Variants in ARHGAP42 observed in about 807,000 individuals in gnomAD.
ARHGAP42 encodes rho GTPase-activating protein 42.
Under a neutral mutation model 125.0 loss-of-function variants are expected in ARHGAP42, and 63 were observed. The ratio of observed to expected loss-of-function variants is 0.50; its 90% CI spans 0.41 to 0.62. The LOEUF is 0.62. Ranked by LOEUF, ARHGAP42 falls within the 20% of genes least tolerant of loss-of-function variation. The pLI is 0.00. For missense variants in ARHGAP42, 766 were observed against 1,024.2 expected (o/e 0.75, Z 3.44); for synonymous variants, 339 against 351.0 (o/e 0.97, Z 0.38).
intron 1 of ARHGAP42, among the ~76,000 whole-genome samples, chr11:100,725,779 CAA>C (rs1439664531): frequency 1.3e-5 from 2 of 151,380 alleles, no homozygotes; most frequent in African/African-American, 4.9e-5. Flanking sequence ...GTAAAAATAC[CAA>C]AAAATTAGCC....
rs1223353975 is a variant in ARHGAP42 at position 100,788,969 on chromosome 11, G to A, written c.251-6136G>A. On this transcript the variant is annotated intron_variant, in intron 2 of 23. Transcript: ENST00000298815. ...GGTCCTTAGATTATTGCATGCTTTT[G>A]TAGTATAATGCTGGGTATCACTTGG... 4.6e-5 allele frequency among the ~76,000 whole-genome samples: 7 copies of A among 152,030 alleles called. No homozygotes were observed. The South Asian group carries it at 6.2e-4, about 14-fold the overall frequency.
intron 3 of ARHGAP42, among the ~76,000 whole-genome samples, chr11:100,857,094 A>G (rs979318445): frequency 6.6e-6 from 1 of 152,044 alleles, no homozygotes; most frequent in African/African-American, 2.4e-5. Flanking sequence ...CATTAGAAAC[A>G]CTCAAGAAAT....
intron 4 of ARHGAP42, among the ~76,000 whole-genome samples, chr11:100,905,980 A>G (rs1393237909): frequency 6.6e-6 from 1 of 152,228 alleles, no homozygotes; most frequent in Non-Finnish European, 1.5e-5. Context: ...GTTTAAACAT[A>G]CCAGATAATA....
chr11:100,799,531 G>A lies in ARHGAP42; in HGVS notation c.312+4365G>A, dbSNP rs1472726896. ...CCACAGGGAGAATTGGGTAGTATGT[G>A]CACTTGTGTTCAACAAGAGCCTCTG... On this transcript the variant is annotated intron_variant, in intron 3 of 23. Transcript: ENST00000298815. Among the ~76,000 whole-genome samples, 5 of 152,144 alleles carry A rather than the reference G, an allele frequency of 3.3e-5. No individual in the cohort carries two copies. The East Asian group carries it at 9.6e-4, about 29-fold the overall frequency.
At chr11:100,946,971 G>A (rs916952109) in intron 10 of ARHGAP42, among the ~76,000 whole-genome samples, 5 of 151,442 alleles carry the variant, frequency 3.3e-5, no homozygotes, top group African/African-American at 1.2e-4. Flanking sequence ...GTATCTAGTA[G>A]GGCAATGACT....
At chr11:100,929,108 A>T (rs1867506525) in intron 6 of ARHGAP42, among the ~76,000 whole-genome samples, 1 of 152,104 alleles carries the variant, frequency 6.6e-6, no homozygotes, top group South Asian at 2.1e-4. Flanking sequence ...ATGGAAGACT[A>T]TTTTTCCATG....
rs1194074873 is a variant in ARHGAP42 at position 100,976,219 on chromosome 11, G to A, written c.2018G>A (p.Gly673Glu). 2 of 1,551,526 alleles carry A rather than the reference G, an allele frequency of 1.3e-6. No individual in the cohort carries two copies. Among genetic ancestry groups the A allele is most frequent in the Non-Finnish European group, 1.7e-6 (2 of 1,146,916 alleles). Residue 673 changes from glycine to glutamate, a missense_variant, in exon 20 of 24, where the codon GGA becomes GAA. Transcript: ENST00000298815. ...PWIATPSSSN[G>E]QKSLGLWTTS... Reference sequence around the variant, plus strand: ...ATTGCAACCCCATCATCTTCCAATGGACAGAAAAGCCTTGGTCTGTGGACA... The same window carrying A: ...ATTGCAACCCCATCATCTTCCAATGAACAGAAAAGCCTTGGTCTGTGGACA...
chr11:100,754,894 G>T (rs61104011), intron 1 of ARHGAP42, among the ~76,000 whole-genome samples: 2,025 of 152,186 alleles, frequency 0.013, 60 homozygotes, highest in African/African-American at 0.046. Context: ...AAAGTGCTGT[G>T]CTTATCCAGC....
At chr11:100,737,428 CGTT>C (rs751591381) in intron 1 of ARHGAP42, among the ~76,000 whole-genome samples, 14 of 151,978 alleles carry the variant, frequency 9.2e-5, no homozygotes, top group South Asian at 4.1e-4. Flanking sequence ...TTTTATGTTT[CGTT>C]GTTGTTGTTG....
intron 1 of ARHGAP42, among the ~76,000 whole-genome samples, chr11:100,768,943 G>T (rs1182732473): frequency 2.0e-5 from 3 of 152,128 alleles, no homozygotes; most frequent in African/African-American, 7.2e-5. Context: ...TTTTGTCATT[G>T]TACAAACATA....
chr11:100,757,306 T>C (rs1345501878), intron 1 of ARHGAP42, among the ~76,000 whole-genome samples: 12 of 152,218 alleles, frequency 7.9e-5, no homozygotes, highest in Admixed American at 7.9e-4. Context: ...GAGATTCCTG[T>C]CCTGATTCTG....
intron 3 of ARHGAP42, among the ~76,000 whole-genome samples, chr11:100,842,836 T>C (rs1190786432): frequency 6.6e-6 from 1 of 151,840 alleles, no homozygotes; most frequent in Non-Finnish European, 1.5e-5. Flanking sequence ...AAGAGGAAAG[T>C]TTATAGCCCT....
intron 2 of ARHGAP42, among the ~76,000 whole-genome samples, chr11:100,785,958 A>G (rs563136552): frequency 1.0e-3 from 155 of 152,284 alleles, no homozygotes; most frequent in African/African-American, 3.6e-3. Flanking sequence ...TTCTCTACCT[A>G]CTAGCTCTGG....
At chr11:100,905,952 G>C (rs1866724037) in intron 4 of ARHGAP42, among the ~76,000 whole-genome samples, 1 of 152,334 alleles carries the variant, frequency 6.6e-6, no homozygotes, top group East Asian at 1.9e-4. Context: ...ACTCTGGCCA[G>C]GGCGATAGTC....
In ARHGAP42 at chr11:100,988,923, G is replaced by A. The variant is rs368805456; in HGVS notation, c.*122G>A. ...AGTGAAAACAGTCAATTTCTATCAA[G>A]TTCTTCACCAGCAGACTATGTAGCT... On this transcript the variant is annotated 3_prime_UTR_variant, in exon 24 of 24. Transcript: ENST00000298815. The A allele has an allele frequency of 2.5e-5, 16 of 631,762 alleles. No homozygotes were observed. The highest frequency in any genetic ancestry group is 2.5e-4 in the East Asian group (9 of 35,770). 39.1% of individuals were successfully genotyped at this position (631,762 alleles called of 1,614,324 possible).
chr11:100,893,871 C>G (rs512176), intron 4 of ARHGAP42, among the ~76,000 whole-genome samples: 1 of 151,990 alleles, frequency 6.6e-6, no homozygotes, highest in Non-Finnish European at 1.5e-5. Context: ...TCTAGTTTAT[C>G]AGTTATTTTC....
At chr11:100,735,013 A>G (rs1862037158) in intron 1 of ARHGAP42, among the ~76,000 whole-genome samples, 2 of 151,912 alleles carry the variant, frequency 1.3e-5, no homozygotes, top group African/African-American at 2.4e-5. Flanking sequence ...AACAACAACA[A>G]CAACAACAAC....
intron 1 of ARHGAP42, among the ~76,000 whole-genome samples, chr11:100,717,353 A>G (rs998126916): frequency 4.6e-5 from 7 of 152,142 alleles, no homozygotes; most frequent in Non-Finnish European, 1.0e-4. Flanking sequence ...GATACCATAT[A>G]TAGGCCGGGC....
intron 2 of ARHGAP42, among the ~76,000 whole-genome samples, chr11:100,792,964 C>G (rs1487680081): frequency 2.0e-5 from 3 of 152,088 alleles, no homozygotes; most frequent in Non-Finnish European, 2.9e-5. Flanking sequence ...TCGTGTTAGC[C>G]AGGATGGTCT....
Sources: allele counts gnomAD v4.1 joint callset (sites outside exome capture counted in the v4.1 genomes callset), GRCh38; gene constraint gnomAD v4.1.1; transcripts MANE v1.5; gene names NCBI Gene and HGNC (gene_info 2026-07-23, HGNC 2026-07-21).